Variants in SHC4 observed in about 807,000 individuals in gnomAD.
The protein encoded by SHC4 is SHC-transforming protein 4.
A neutral mutation model predicts 69.4 loss-of-function variants in SHC4; 41 were observed. That is an observed-to-expected ratio of 0.59 (90% CI 0.46 to 0.77). The LOEUF is 0.77. SHC4 is among the 30% of genes least tolerant of loss of function. The probability of loss-of-function intolerance (pLI) is 0.00; values close to 1 mark genes in which losing one functional copy is unlikely to be tolerated. For missense variants in SHC4, 777 were observed against 783.8 expected, an observed-to-expected ratio of 0.99 and a Z score of 0.10; for synonymous variants, 318 against 299.3, an observed-to-expected ratio of 1.06 and a Z score of -0.64.
At chr15:48,885,856 G>A (rs1159097395) in intron 3 of SHC4, among the ~76,000 whole-genome samples, 1 of 152,146 alleles carries the variant, frequency 6.6e-6, no homozygotes, top group South Asian at 2.1e-4. Flanking sequence ...ACAGCTCTGG[G>A]CAAAGCGAGC....
At chr15:48,891,742 T>C (rs1022178412) in intron 2 of SHC4, among the ~76,000 whole-genome samples, 1 of 152,228 alleles carries the variant, frequency 6.6e-6, no homozygotes, top group Admixed American at 6.5e-5. Context: ...CATTGTATTA[T>C]AGTTTTTATA....
chr15:48,935,447 G>C (rs761462080), intron 1 of SHC4, among the ~76,000 whole-genome samples: 1 of 152,136 alleles, frequency 6.6e-6, no homozygotes, highest in Non-Finnish European at 1.5e-5. Flanking sequence ...ACCTCTTACA[G>C]TGCAATTAAA....
chr15:48,963,020 T>C lies in SHC4; in HGVS notation c.-5A>G. On this transcript the variant is annotated 5_prime_UTR_variant, in exon 1 of 12. Transcript: ENST00000332408. Reference sequence around the variant, plus strand: ...GTCCTGGCCGCGTTCTCGCATAGCCTTGGCAGTGCTGAAACAGGATACTGT... The same window carrying C: ...GTCCTGGCCGCGTTCTCGCATAGCCCTGGCAGTGCTGAAACAGGATACTGT... 3 of 1,598,444 alleles carry C rather than the reference T, an allele frequency of 1.9e-6. No individual in the cohort carries two copies. The highest frequency in any genetic ancestry group is 2.6e-6 in the Non-Finnish European group (3 of 1,171,462).
intron 4 of SHC4, among the ~76,000 whole-genome samples, chr15:48,876,288 T>C (rs1456168033): frequency 2.0e-5 from 3 of 152,178 alleles, no homozygotes; most frequent in African/African-American, 7.2e-5. Flanking sequence ...TTCTGACATT[T>C]CAAACATTAG....
intron 10 of SHC4, among the ~76,000 whole-genome samples, chr15:48,838,026 T>C (rs947773623): frequency 2.0e-5 from 3 of 152,224 alleles, no homozygotes; most frequent in African/African-American, 7.2e-5. Flanking sequence ...TTAATTATTA[T>C]TTTAGCAAAG....
chr15:48,947,965 C>A (rs558777847), intron 1 of SHC4: 1 of 152,180 alleles, frequency 6.6e-6, no homozygotes, highest in Non-Finnish European at 1.5e-5. Context: ...CATGTTTTGG[C>A]TTTCTTTATA....
intron 2 of SHC4, among the ~76,000 whole-genome samples, chr15:48,907,991 T>C (rs1027779483): frequency 6.6e-6 from 1 of 152,134 alleles, no homozygotes; most frequent in African/African-American, 2.4e-5. Context: ...ATGACTTATT[T>C]TCCTCTGGGT....
intron 5 of SHC4, among the ~76,000 whole-genome samples, chr15:48,870,204 GAA>G (rs1224126919): frequency 1.3e-5 from 2 of 152,224 alleles, no homozygotes; most frequent in African/African-American, 4.8e-5. Flanking sequence ...AGGGAGAAGA[GAA>G]AGTGCTGGTA....
intron 6 of SHC4, among the ~76,000 whole-genome samples, chr15:48,860,061 G>T (rs891531319): frequency 1.3e-5 from 2 of 151,964 alleles, no homozygotes; most frequent in African/African-American, 4.8e-5. Flanking sequence ...AGAAAGAAAG[G>T]AAGAAAGAGA....
chr15:48,912,805 C>A (rs1238852219), intron 2 of SHC4, among the ~76,000 whole-genome samples: 1 of 152,202 alleles, frequency 6.6e-6, no homozygotes, highest in South Asian at 2.1e-4. Flanking sequence ...GTTCTCTCCC[C>A]CTTTTCCTAT....
intron 2 of SHC4, among the ~76,000 whole-genome samples, chr15:48,904,844 C>T (rs1340643249): frequency 6.6e-6 from 1 of 151,686 alleles, no homozygotes; most frequent in Non-Finnish European, 1.5e-5. Flanking sequence ...TTTGATCATG[C>T]CACTGCACTC....
chr15:48,832,440 G>C (rs1460104431), intron 11 of SHC4, among the ~76,000 whole-genome samples: 3 of 152,090 alleles, frequency 2.0e-5, no homozygotes, highest in African/African-American at 7.2e-5. Flanking sequence ...CACATAATGA[G>C]TCTCTTCTCT....
intron 10 of SHC4, among the ~76,000 whole-genome samples, chr15:48,838,067 G>A (rs1393940736): frequency 6.6e-6 from 1 of 152,054 alleles, no homozygotes; most frequent in African/African-American, 2.4e-5. Flanking sequence ...CCATCAATAA[G>A]GGACTGACTA....
chr15:48,825,741 A>G lies in SHC4; in HGVS notation c.*230T>C, dbSNP rs1384234298. The G allele has an allele frequency of 2.1e-6, 1 of 482,678 alleles. No individual in the cohort carries two copies. The highest frequency in any genetic ancestry group is 2.0e-5 in the African/African-American group (1 of 51,012). The allele number at this position is 482,678 out of a possible 1,614,324, so 29.9% of individuals were successfully genotyped here. ...TAAAAAGTGACATCCGTGCATACATATAATTTCTTTTAAAATGACCAACCC... is the reference window on the plus strand; with the variant it reads ...TAAAAAGTGACATCCGTGCATACATGTAATTTCTTTTAAAATGACCAACCC... On this transcript the variant is annotated 3_prime_UTR_variant, in exon 12 of 12. Coordinates refer to ENST00000332408, the MANE Select transcript of SHC4 (RefSeq NM_203349.4).
chr15:48,962,405 G>C, intron 1 of SHC4, 26 bp downstream of exon 1: 1 of 1,511,518 alleles, frequency 6.6e-7, no homozygotes, highest in Non-Finnish European at 8.8e-7. Context: ...GAAGTTCTTA[G>C]AGGGCAGAGA....
At chr15:48,863,042 G>A (rs1162924854) in intron 6 of SHC4, among the ~76,000 whole-genome samples, 1 of 119,112 alleles carries the variant, frequency 8.4e-6, no homozygotes, top group African/African-American at 3.2e-5. Context: ...TCTCTTGTCT[G>A]CCATTTTCTC....
intron 1 of SHC4, among the ~76,000 whole-genome samples, chr15:48,952,899 A>T (rs1249798852): frequency 2.0e-5 from 3 of 152,254 alleles, no homozygotes; most frequent in African/African-American, 7.2e-5. Flanking sequence ...CATTTGACCC[A>T]GCAATCCCAT....
intron 1 of SHC4, among the ~76,000 whole-genome samples, chr15:48,926,523 C>T (rs1255913323): frequency 6.6e-6 from 1 of 151,490 alleles, no homozygotes; most frequent in Non-Finnish European, 1.5e-5. Context: ...TGTGCAGTGG[C>T]ACGATCTTGG....
rs540994797 is a variant in SHC4, at chr15:48,841,409, G to A, written c.1483+2000C>T. On this transcript the variant is annotated intron_variant, in intron 10 of 11. Coordinates refer to ENST00000332408, the MANE Select transcript of SHC4 (RefSeq NM_203349.4). ...TCACCCGTCACATAAGATGTCCTCT[G>A]TGGTAGCCACAGAGATGCACTGCCC... Among the ~76,000 whole-genome samples, 8 of 152,294 alleles carry A rather than the reference G, an allele frequency of 5.3e-5. No individual in the cohort carries two copies. The South Asian group carries it at 1.7e-3, about 32-fold the overall frequency.
Sources: gnomAD v4.1 joint callset for allele counts (sites outside exome capture counted in the v4.1 genomes callset) on GRCh38, gnomAD v4.1.1 for gene constraint, MANE v1.5 for transcripts, NCBI Gene and HGNC (gene_info 2026-07-23, HGNC 2026-07-21) for gene names.